Variants in DSCAML1 observed in about 807,000 individuals in gnomAD.
DSCAML1 encodes cell adhesion molecule DSCAML1.
A neutral mutation model predicts 200.5 loss-of-function variants in DSCAML1; 38 were observed. The ratio of observed to expected loss-of-function variants is 0.19; its 90% CI spans 0.15 to 0.25. The LOEUF is 0.25. DSCAML1 is among the 10% of genes least tolerant of loss of function. DSCAML1 has a pLI of 1.00. For missense variants in DSCAML1, 2,223 were observed against 2,858.8 expected (o/e 0.78, Z 5.07); for synonymous variants, 1,215 against 1,165.0 (o/e 1.04, Z -0.87).
At chr11:117,558,741 A>T (rs370092292) in intron 3 of DSCAML1, among the ~76,000 whole-genome samples, 2 of 152,240 alleles carry the variant, frequency 1.3e-5, no homozygotes, top group Non-Finnish European at 2.9e-5. Flanking sequence ...AGCCCTTTTA[A>T]GGGCTTACAA....
chr11:117,472,340 T>C (rs2048703099), intron 14 of DSCAML1, among the ~76,000 whole-genome samples: 1 of 152,188 alleles, frequency 6.6e-6, no homozygotes, highest in Admixed American at 6.5e-5. Flanking sequence ...CTGTTTGCTA[T>C]CCCTGAGGGT....
intron 3 of DSCAML1, among the ~76,000 whole-genome samples, chr11:117,590,316 G>A (rs1207250591): frequency 6.6e-6 from 1 of 151,000 alleles, no homozygotes; most frequent in African/African-American, 2.4e-5. Flanking sequence ...AGCCTCCCAA[G>A]TAGCTAGGAC....
intron 3 of DSCAML1, among the ~76,000 whole-genome samples, chr11:117,584,722 G>A (rs1352216784): frequency 6.6e-6 from 1 of 152,248 alleles, no homozygotes; most frequent in Admixed American, 6.5e-5. Flanking sequence ...GGACACTTGG[G>A]TTGGTTTTGA....
rs150907068 is a variant in DSCAML1 at position 117,649,034 on chromosome 11, C to CATATAT, written c.512-116518_512-116513dup. Among the ~76,000 whole-genome samples, 187 of 123,100 alleles carry CATATAT rather than the reference C, an allele frequency of 1.5e-3. 4 individuals are homozygous for CATATAT. The highest frequency in any genetic ancestry group is 2.1e-3 in the South Asian group (8 of 3,750). The allele number at this position is 123,100 out of a possible 152,430, so 80.8% of individuals were successfully genotyped here. ...CTCTCCCTCTCGCTCTCTCTCTCTCCATATATATGTGTGTGTGTGTGTGTG... is the reference window on the plus strand; with the variant it reads ...CTCTCCCTCTCGCTCTCTCTCTCTCCATATATATATATATGTGTGTGTGTGTGTGTG... On this transcript the variant is annotated intron_variant, in intron 3 of 32. Coordinates refer to ENST00000651296, the MANE Select transcript of DSCAML1 (RefSeq NM_020693.4).
At chr11:117,704,535 G>A (rs576091569) in intron 3 of DSCAML1, among the ~76,000 whole-genome samples, 3 of 152,240 alleles carry the variant, frequency 2.0e-5, no homozygotes, top group East Asian at 1.9e-4. Context: ...TTCCCAACCC[G>A]GACCATCATG....
Position 117,480,140 on chromosome 11 carries a change from G to C in DSCAML1, c.2785+303C>G, listed in dbSNP as rs1426148523. On this transcript the variant is annotated intron_variant, in intron 14 of 32. Coordinates refer to ENST00000651296, the MANE Select transcript of DSCAML1 (RefSeq NM_020693.4). The surrounding 1 kb of genome is among the most constrained non-coding windows in gnomAD (Gnocchi z 4.1). ...GAGACAGCCCACAGCCCTGGGTTCA[G>C]TGCCCTTACATGGCTTCAAATCAGA... Among the ~76,000 whole-genome samples the C allele has an allele frequency of 6.6e-6, 1 of 152,194 alleles. No homozygotes were observed. The highest frequency in any genetic ancestry group is 2.4e-5 in the African/African-American group (1 of 41,452).
chr11:117,470,382 T>C (rs1045189513), intron 15 of DSCAML1, among the ~76,000 whole-genome samples: 31 of 152,166 alleles, frequency 2.0e-4, no homozygotes, highest in African/African-American at 6.3e-4. Flanking sequence ...GAGACCATCC[T>C]GGCTAACAGG....
chr11:117,533,370 T>C (rs984366385), intron 3 of DSCAML1, among the ~76,000 whole-genome samples: 1 of 152,212 alleles, frequency 6.6e-6, no homozygotes, highest in African/African-American at 2.4e-5. Context: ...GGAAGTGGAC[T>C]GGAACTTCTG....
intron 11 of DSCAML1, among the ~76,000 whole-genome samples, chr11:117,484,763 C>T (rs1256777991): frequency 2.6e-5 from 4 of 152,128 alleles, no homozygotes; most frequent in East Asian, 3.9e-4. Flanking sequence ...GCTCGGGTGT[C>T]GGGGAGGCTC....
In DSCAML1 at chr11:117,744,741, T is replaced by C. The variant is rs547291219; in HGVS notation, c.511+32050A>G. ...CTGAGCCAGAGGGCAGGAAGGGGAC[T>C]CTCCATCCAGCATGCCTGGCTTTGA... On this transcript the variant is annotated intron_variant, in intron 3 of 32. Coordinates refer to ENST00000651296, the MANE Select transcript of DSCAML1 (RefSeq NM_020693.4). Among the ~76,000 whole-genome samples the C allele has an allele frequency of 4.6e-5, 7 of 152,324 alleles. No homozygotes were observed. In the South Asian group the frequency reaches 6.2e-4, roughly 14 times the overall value.
chr11:117,770,948 C>T (rs2055027511), intron 3 of DSCAML1, among the ~76,000 whole-genome samples: 1 of 152,098 alleles, frequency 6.6e-6, no homozygotes, highest in South Asian at 2.1e-4. Context: ...AATCATGTGC[C>T]CTGAGAGTGA....
chr11:117,494,109 A>G (rs965194484), intron 11 of DSCAML1, among the ~76,000 whole-genome samples: 1 of 152,218 alleles, frequency 6.6e-6, no homozygotes, highest in Non-Finnish European at 1.5e-5. Context: ...CATTTTAGAC[A>G]TGAGAAAAAT....
chr11:117,582,126 A>G (rs1409994175), intron 3 of DSCAML1, among the ~76,000 whole-genome samples: 1 of 152,232 alleles, frequency 6.6e-6, no homozygotes, highest in Non-Finnish European at 1.5e-5. Flanking sequence ...CTCGCAGAAA[A>G]GAAATGTTAA....
At chr11:117,810,274 C>G (rs896295550) in intron 1 of DSCAML1, among the ~76,000 whole-genome samples, 9 of 152,206 alleles carry the variant, frequency 5.9e-5, no homozygotes, top group African/African-American at 2.2e-4. Flanking sequence ...CCAGCGCCCT[C>G]TGGGGGAGGG....
At chr11:117,724,543 T>C (rs1245368393) in intron 3 of DSCAML1, among the ~76,000 whole-genome samples, 4 of 152,218 alleles carry the variant, frequency 2.6e-5, no homozygotes, top group Non-Finnish European at 4.4e-5. Flanking sequence ...AATGCTCAGA[T>C]GCCGGCTAAC....
intron 3 of DSCAML1, among the ~76,000 whole-genome samples, chr11:117,534,360 G>C (rs577884209): frequency 6.2e-4 from 94 of 152,340 alleles, no homozygotes; most frequent in Admixed American, 2.3e-3. Context: ...ATCAGCCTTC[G>C]TTTGAATATC....
intron 3 of DSCAML1, among the ~76,000 whole-genome samples, chr11:117,582,387 G>C (rs778591469): frequency 2.6e-5 from 4 of 152,162 alleles, no homozygotes; most frequent in Non-Finnish European, 5.9e-5. Flanking sequence ...CCCTTACTGG[G>C]TCTCCAAGGA....
At chr11:117,786,812 G>T (rs2134063726) in intron 1 of DSCAML1, among the ~76,000 whole-genome samples, 1 of 152,206 alleles carries the variant, frequency 6.6e-6, no homozygotes, top group South Asian at 2.1e-4. Context: ...TTTCATCCAG[G>T]AGTATCTGCC....
chr11:117,794,955 C>T (rs1236638977), intron 1 of DSCAML1, among the ~76,000 whole-genome samples: 2 of 152,246 alleles, frequency 1.3e-5, no homozygotes, highest in African/African-American at 4.8e-5. Context: ...CAACTGGCAT[C>T]TCCAGCCCGC....
Sources: gnomAD v4.1 joint callset for allele counts (sites outside exome capture counted in the v4.1 genomes callset) on GRCh38, gnomAD v4.1.1 for gene constraint, Gnocchi (gnomAD v3.1) non-coding constraint, MANE v1.5 for transcripts, NCBI Gene and HGNC (gene_info 2026-07-23, HGNC 2026-07-21) for gene names.